ADCY2: variants seen among roughly 807,000 people sequenced by gnomAD.
ADCY2 encodes the protein adenylate cyclase 2.
A neutral mutation model predicts 125.2 loss-of-function variants in ADCY2; 31 were observed. The ratio of observed to expected loss-of-function variants is 0.25; its 90% CI spans 0.19 to 0.33. ADCY2 has a LOEUF of 0.33. Among genes scored for constraint, ADCY2 ranks in the 10% least tolerant of loss-of-function variants. The pLI is 1.00. For synonymous variants in ADCY2, 512 were observed against 548.4 expected (o/e 0.93, Z 0.93); for missense variants, 904 against 1,418.2 (o/e 0.64, Z 5.82).
intron 4 of ADCY2, among the ~76,000 whole-genome samples, chr5:7,644,050 TA>T (rs1167464758): frequency 1.1e-4 from 17 of 152,256 alleles, no homozygotes; most frequent in African/African-American, 3.4e-4. Flanking sequence ...TCTCTTATTT[TA>T]AAATAAATAA....
At chr5:7,513,317 A>C (rs1281169098) in intron 2 of ADCY2, among the ~76,000 whole-genome samples, 1 of 152,222 alleles carries the variant, frequency 6.6e-6, no homozygotes, top group East Asian at 1.9e-4. Context: ...TGATATTTGT[A>C]TGAAAAGAAC....
chr5:7,635,875 G>A (rs1336504325), intron 4 of ADCY2, among the ~76,000 whole-genome samples: 1 of 152,234 alleles, frequency 6.6e-6, no homozygotes, highest in Non-Finnish European at 1.5e-5. Context: ...GATAGTGGCT[G>A]TAAACTCTAG....
chr5:7,436,785 G>A (rs952643684), intron 2 of ADCY2, among the ~76,000 whole-genome samples: 3 of 152,214 alleles, frequency 2.0e-5, no homozygotes, highest in East Asian at 1.9e-4. Context: ...CATGCCAGGC[G>A]TGTGCAGCCT....
intron 1 of ADCY2, among the ~76,000 whole-genome samples, chr5:7,400,555 C>G (rs1465659861): frequency 1.3e-5 from 2 of 152,230 alleles, no homozygotes; most frequent in Non-Finnish European, 2.9e-5. Context: ...AATCTTTCAG[C>G]ACCCCCAATA....
intron 3 of ADCY2, among the ~76,000 whole-genome samples, chr5:7,557,135 T>TATATATATATATA (rs1554019445): frequency 1.6e-3 from 124 of 77,538 alleles, no homozygotes; most frequent in African/African-American, 4.1e-3. Flanking sequence ...CAAAAACAGT[T>TATATATATATATA]TATATATATA....
At chr5:7,525,558 T>G (rs1199638814) in intron 3 of ADCY2, among the ~76,000 whole-genome samples, 1 of 152,182 alleles carries the variant, frequency 6.6e-6, no homozygotes, top group East Asian at 1.9e-4. Flanking sequence ...TTTTCTTTTT[T>G]TTTAGTGAAC....
At chr5:7,740,424 A>G (rs768775077) in intron 14 of ADCY2, among the ~76,000 whole-genome samples, 5 of 152,094 alleles carry the variant, frequency 3.3e-5, no homozygotes, top group African/African-American at 4.8e-5. Flanking sequence ...TAACATTGAC[A>G]GATCAAGCAA....
At chr5:7,412,321 A>G (rs1739757264) in intron 1 of ADCY2, among the ~76,000 whole-genome samples, 1 of 152,230 alleles carries the variant, frequency 6.6e-6, no homozygotes. Context: ...CATACTAGGA[A>G]ATAGGTTTCC....
chr5:7,637,815 A>T (rs761831647), intron 4 of ADCY2, among the ~76,000 whole-genome samples: 4 of 152,240 alleles, frequency 2.6e-5, no homozygotes, highest in Non-Finnish European at 5.9e-5. Flanking sequence ...ATATCAGTGC[A>T]TGTCATGTTA....
chr5:7,739,195 A>G (rs147149446), intron 14 of ADCY2, among the ~76,000 whole-genome samples: 1 of 151,994 alleles, frequency 6.6e-6, no homozygotes, highest in East Asian at 1.9e-4. Context: ...AAATACAGAA[A>G]CAAATATGAG....
At chr5:7,458,018 TG>T (rs1741763110) in intron 2 of ADCY2, among the ~76,000 whole-genome samples, 1 of 152,204 alleles carries the variant, frequency 6.6e-6, no homozygotes, top group African/African-American at 2.4e-5. Flanking sequence ...ATTTCTCAAA[TG>T]TATTATTCTA....
At chr5:7,751,284 GGTT>G (rs1398619773) in intron 15 of ADCY2, among the ~76,000 whole-genome samples, 1 of 151,958 alleles carries the variant, frequency 6.6e-6, no homozygotes, top group East Asian at 1.9e-4. Context: ...AGCTATTTCA[GGTT>G]GTTGTCGTAT....
intron 2 of ADCY2, among the ~76,000 whole-genome samples, chr5:7,509,617 A>G (rs1743980598): frequency 6.6e-6 from 1 of 152,204 alleles, no homozygotes; most frequent in Admixed American, 6.5e-5. Flanking sequence ...AGAAGAATGA[A>G]AGCTACCCAG....
intron 3 of ADCY2, among the ~76,000 whole-genome samples, chr5:7,522,839 TGGCGTGAACCCAGGA>T: frequency 6.8e-6 from 1 of 147,476 alleles, no homozygotes; most frequent in South Asian, 2.1e-4. Context: ...GGCAGCAGAA[TGGCGTGAACCCAGGA>T]GGCGGAGCTT....
intron 22 of ADCY2, among the ~76,000 whole-genome samples, chr5:7,811,872 C>T (rs144244451): frequency 9.8e-4 from 149 of 152,316 alleles, no homozygotes; most frequent in African/African-American, 3.5e-3. Flanking sequence ...CCACTGACTC[C>T]CGAGGACCAC....
chr5:7,636,954 C>T (rs1338558303), intron 4 of ADCY2, among the ~76,000 whole-genome samples: 2 of 152,094 alleles, frequency 1.3e-5, no homozygotes, highest in African/African-American at 2.4e-5. Context: ...GAAGAGGAGC[C>T]AAGAAATGCC....
chr5:7,624,658 T>C (rs1313867989), intron 3 of ADCY2, among the ~76,000 whole-genome samples: 1 of 152,246 alleles, frequency 6.6e-6, no homozygotes, highest in Non-Finnish European at 1.5e-5. Flanking sequence ...TGATTCTCTG[T>C]TCAGTCCTGT....
intron 2 of ADCY2, among the ~76,000 whole-genome samples, chr5:7,422,004 G>A (rs1190413912): frequency 2.6e-5 from 4 of 152,144 alleles, no homozygotes; most frequent in Non-Finnish European, 5.9e-5. Flanking sequence ...AGGCATGTTA[G>A]CATGCTAGAT....
intron 16 of ADCY2, among the ~76,000 whole-genome samples, chr5:7,761,153 T>C (rs796932260): frequency 1.6e-5 from 2 of 128,236 alleles, no homozygotes; most frequent in African/African-American, 3.0e-5. Flanking sequence ...CTTTTCTTTT[T>C]TTTTTTTTTT....
Sources: gnomAD v4.1 joint callset for allele counts (sites outside exome capture counted in the v4.1 genomes callset) on GRCh38, gnomAD v4.1.1 for gene constraint, MANE v1.5 for transcripts, NCBI Gene and HGNC (gene_info 2026-07-23, HGNC 2026-07-21) for gene names.